The following UGT2B7 variants were observed in gnomAD, a reference collection of about 807,000 sequenced individuals.
The protein encoded by UGT2B7 is UDP glucuronosyltransferase family 2 member B7, also known as UDP-glucuronosyltransferase 2B7.
A neutral mutation model predicts 51.9 loss-of-function variants in UGT2B7; 51 were observed. That is an observed-to-expected ratio of 0.98 (90% CI 0.78 to 1.24). The LOEUF (loss-of-function observed/expected upper bound fraction) is 1.24. UGT2B7 is among the 50% of genes most tolerant of loss of function. UGT2B7 has a pLI of 0.00. For missense variants in UGT2B7, 727 were observed against 628.4 expected, an observed-to-expected ratio of 1.16 and a Z score of -1.68; for synonymous variants, 225 against 211.6, an observed-to-expected ratio of 1.06 and a Z score of -0.55.
At chr4:69,052,555 G>A (rs72851338) in intron 1 of UGT2B7, among the ~76,000 whole-genome samples, 4 of 94,192 alleles carry the variant, frequency 4.2e-5, no homozygotes, top group Non-Finnish European at 9.6e-5. Context: ...TAAAAAAAAA[G>A]AAATGGTTAT....
At chr4:69,085,813 C>T (rs1718940708) in intron 1 of UGT2B7, among the ~76,000 whole-genome samples, 1 of 151,744 alleles carries the variant, frequency 6.6e-6, no homozygotes, top group Non-Finnish European at 1.5e-5. Flanking sequence ...AATTTGTTGG[C>T]ATGAACTTGT....
intron 1 of UGT2B7, among the ~76,000 whole-genome samples, chr4:69,074,814 C>A (rs529725684): frequency 4.6e-5 from 7 of 152,164 alleles, no homozygotes; most frequent in East Asian, 3.9e-4. Flanking sequence ...TCATAGAATT[C>A]GTTCCAATTT....
chr4:69,071,348 A>G (rs993802698), intron 1 of UGT2B7, among the ~76,000 whole-genome samples: 2 of 152,130 alleles, frequency 1.3e-5, no homozygotes, highest in African/African-American at 4.8e-5. Context: ...TCCTCGTAAC[A>G]TATTGAAAAC....
In UGT2B7 at chr4:69,098,405, A is replaced by G. The variant is rs60529914; in HGVS notation, c.722-135A>G. The G allele has an allele frequency of 8.9e-3, 8,281 of 926,674 alleles. 332 individuals carry two copies. In the Admixed American group the frequency reaches 0.11, roughly 12 times the overall value. 57.4% of individuals were successfully genotyped at this position (926,674 alleles called of 1,614,324 possible). On this transcript the variant is annotated intron_variant, in intron 1 of 5. Coordinates refer to ENST00000305231, the MANE Select transcript of UGT2B7 (RefSeq NM_001074.4). Reference sequence around the variant, plus strand: ...ACATAAAATTAAATTATATCTATATATGAATATGTGTATATATTTTTCAAA... The same window carrying G: ...ACATAAAATTAAATTATATCTATATGTGAATATGTGTATATATTTTTCAAA...
At chr4:69,082,461 T>C (rs1718861260) in intron 1 of UGT2B7, among the ~76,000 whole-genome samples, 1 of 151,584 alleles carries the variant, frequency 6.6e-6, no homozygotes, top group Admixed American at 6.6e-5. Flanking sequence ...CTCCAGTGAA[T>C]GCCCAAATGG....
At chr4:69,108,361 G>A (rs1719675805) in intron 5 of UGT2B7, 39 bp downstream of exon 5, 1 of 1,603,716 alleles carries the variant, frequency 6.2e-7, no homozygotes, top group African/African-American at 1.3e-5. Context: ...GGTATTTACA[G>A]ATAGCTTCTC....
At chr4:69,057,900 T>C (rs1560497562) in intron 1 of UGT2B7, among the ~76,000 whole-genome samples, 1 of 152,170 alleles carries the variant, frequency 6.6e-6, no homozygotes, top group African/African-American at 2.4e-5. Context: ...AATGTACTTA[T>C]AGATAGGGAC....
intron 4 of UGT2B7, 48 bp from the exon 5 acceptor site, chr4:69,108,055 C>T: frequency 6.3e-7 from 1 of 1,589,274 alleles, no homozygotes; most frequent in Non-Finnish European, 8.6e-7. Context: ...CATTGTGCAT[C>T]TCATTTTATT....
At chr4:69,069,052 C>T (rs1056155005) in intron 1 of UGT2B7, among the ~76,000 whole-genome samples, 4 of 148,862 alleles carry the variant, frequency 2.7e-5, no homozygotes, top group South Asian at 2.1e-4. Context: ...AAGAAAGATA[C>T]GATTCTTAGT....
chr4:69,086,331 A>T (rs1028829603), intron 1 of UGT2B7, among the ~76,000 whole-genome samples: 2 of 151,624 alleles, frequency 1.3e-5, no homozygotes, highest in Non-Finnish European at 3.0e-5. Context: ...GTTTTATTCC[A>T]TTGTGGAAAA....
At position 69,097,256 on chromosome 4, in the gene UGT2B7, C is replaced by T. The variant is rs749244532; in HGVS notation, c.721+15C>T. 21 of 1,579,256 alleles carry T rather than the reference C, an allele frequency of 1.3e-5. No individual in the cohort carries two copies. Among genetic ancestry groups the T allele is most frequent in the Middle Eastern group, 1.7e-4 (1 of 5,876 alleles). On this transcript the variant is annotated intron_variant, in intron 1 of 5. Transcript: ENST00000305231. ...TGAAGTTCTAGGTAAGTATTTTTTT[C>T]AATCAGTAACATGAAGCTCTAACTT...
At chr4:69,072,852 A>G (rs1034233735) in intron 1 of UGT2B7, among the ~76,000 whole-genome samples, 2 of 152,204 alleles carry the variant, frequency 1.3e-5, no homozygotes, top group African/African-American at 4.8e-5. Flanking sequence ...CTTGTAAAGC[A>G]TAAAATTTCA....
intron 1 of UGT2B7, among the ~76,000 whole-genome samples, chr4:69,075,932 C>T (rs1560502742): frequency 6.6e-6 from 1 of 151,998 alleles, no homozygotes; most frequent in Non-Finnish European, 1.5e-5. Context: ...CACCCCTAGC[C>T]CCCCTCCCCA....
chr4:69,091,047 T>A (rs1719073181), intron 2 of UGT2B7, among the ~76,000 whole-genome samples: 1 of 152,182 alleles, frequency 6.6e-6, no homozygotes, highest in African/African-American at 2.4e-5. Context: ...ATTCTGTTCT[T>A]TATTGGAAAA....
intron 1 of UGT2B7, among the ~76,000 whole-genome samples, chr4:69,077,041 C>T (rs766872975): frequency 1.5e-4 from 23 of 152,268 alleles, no homozygotes; most frequent in Non-Finnish European, 2.6e-4. Context: ...ATAGGGAATG[C>T]TTTCCTCATT....
chr4:69,062,423 G>C (rs964306299), intron 1 of UGT2B7, among the ~76,000 whole-genome samples: 1 of 152,238 alleles, frequency 6.6e-6, no homozygotes, highest in Non-Finnish European at 1.5e-5. Context: ...AAGTCTGGCA[G>C]ACCCAGTACA....
intron 1 of UGT2B7, among the ~76,000 whole-genome samples, chr4:69,067,076 T>C (rs1386475108): frequency 6.6e-6 from 1 of 152,122 alleles, no homozygotes; most frequent in Non-Finnish European, 1.5e-5. Flanking sequence ...ATCCTGCTTC[T>C]TTTGTGGGGG....
At chr4:69,106,874 A>G (rs1488658700) in intron 3 of UGT2B7, among the ~76,000 whole-genome samples, 1 of 147,322 alleles carries the variant, frequency 6.8e-6, no homozygotes, top group Non-Finnish European at 1.5e-5. Flanking sequence ...TTTTTTTCAT[A>G]TGATGGTTGG....
chr4:69,091,148 T>G (rs1018819494), intron 2 of UGT2B7, among the ~76,000 whole-genome samples: 2 of 152,168 alleles, frequency 1.3e-5, no homozygotes, highest in Non-Finnish European at 2.9e-5. Flanking sequence ...AATTATTTCA[T>G]GTAGAAGTAC....
Sources: allele counts gnomAD v4.1 joint callset (sites outside exome capture counted in the v4.1 genomes callset), GRCh38; gene constraint gnomAD v4.1.1; transcripts MANE v1.5; gene names NCBI Gene and HGNC (gene_info 2026-07-23, HGNC 2026-07-21).